Variants in XG observed in about 807,000 individuals in gnomAD.
XG encodes glycoprotein Xg.
A neutral mutation model predicts 25.7 loss-of-function variants in XG; 24 were observed. The ratio of observed to expected loss-of-function variants is 0.93; its 90% CI spans 0.68 to 1.31. XG has a LOEUF of 1.31. Ranked by LOEUF, XG falls within the 40% of genes most tolerant of loss-of-function variation. XG has a pLI of 0.00. For missense variants in XG, 181 were observed against 187.6 expected (o/e 0.96, Z 0.21); for synonymous variants, 77 against 69.2 (o/e 1.11, Z -0.56).
At chrX:2,787,242 G>C (rs1309826170) in intron 4 of XG, among the ~76,000 whole-genome samples, 1 of 110,015 alleles carries the variant, frequency 9.1e-6, no homozygotes. Flanking sequence ...AATGGACTAA[G>C]ACATCTCATA....
At chrX:2,767,903 G>A (rs964887026) in intron 1 of XG, among the ~76,000 whole-genome samples, 1 of 152,138 alleles carries the variant, frequency 6.6e-6, no homozygotes, top group African/African-American at 2.4e-5. Flanking sequence ...TGGCTGTAGT[G>A]CAACCCCTGA....
chrX:2,808,773 G>C (rs770436841), intron 9 of XG, among the ~76,000 whole-genome samples: 10 of 111,325 alleles, frequency 9.0e-5, no homozygotes, highest in African/African-American at 3.3e-4. Context: ...GAGAGTAAAC[G>C]CACTCAACCC....
intron 8 of XG, among the ~76,000 whole-genome samples, chrX:2,807,434 A>G (rs1350758542): frequency 1.8e-5 from 2 of 110,844 alleles, no homozygotes; most frequent in Non-Finnish European, 3.9e-5. Context: ...AGGCATGCAC[A>G]CACACACATG....
At chrX:2,789,279 A>G (rs1195030906) in intron 4 of XG, among the ~76,000 whole-genome samples, 2 of 111,872 alleles carry the variant, frequency 1.8e-5, no homozygotes, top group Non-Finnish European at 3.8e-5. Context: ...CTCAAGCAAG[A>G]TGGAAATACA....
At chrX:2,805,589 ATT>A (rs2086988317) in intron 7 of XG, among the ~76,000 whole-genome samples, 1 of 91,553 alleles carries the variant, frequency 1.1e-5, no homozygotes, top group Non-Finnish European at 2.2e-5. Flanking sequence ...GCAGACATTG[ATT>A]CTCTCACCGT....
chrX:2,776,437 G>C (rs2050992972), intron 3 of XG, among the ~76,000 whole-genome samples: 1 of 152,144 alleles, frequency 6.6e-6, no homozygotes, highest in Non-Finnish European at 1.5e-5. Flanking sequence ...TGCGGATGTA[G>C]CTCGCCACAG....
At chrX:2,790,093 C>T (rs143698977) in intron 5 of XG, among the ~76,000 whole-genome samples, 1,414 of 111,281 alleles carry the variant, frequency 0.013, 25 homozygotes, top group African/African-American at 0.044. Context: ...GTTGTTCAGG[C>T]TATTCTTGAA....
intron 9 of XG, among the ~76,000 whole-genome samples, chrX:2,809,608 G>A (rs1255989726): frequency 6.2e-5 from 7 of 112,315 alleles, no homozygotes; most frequent in Non-Finnish European, 1.1e-4. Flanking sequence ...TTAGTAGCTG[G>A]AAATAACAAC....
rs1334983577 is a variant in XG at position 2,761,471 on chromosome X, T to G, written c.62-9079T>G. On this transcript the variant is annotated intron_variant, in intron 1 of 10. Transcript: ENST00000644266. ...GCAGCCTGCAATGGACTAAGACATC[T>G]CATAAGAAGAGCAGATGAGGACACA... is the stretch of plus-strand genomic sequence containing the variant. 6.6e-5 allele frequency among the ~76,000 whole-genome samples: 10 copies of G among 151,342 alleles called. No homozygotes were observed. In the East Asian group the frequency reaches 1.9e-3, roughly 29 times the overall value.
At chrX:2,799,821 TC>T (rs2147082416) in intron 7 of XG, among the ~76,000 whole-genome samples, 1 of 111,629 alleles carries the variant, frequency 9.0e-6, no homozygotes, top group African/African-American at 3.3e-5. Context: ...GAGTTCAGGA[TC>T]ACAAAATTTA....
intron 7 of XG, among the ~76,000 whole-genome samples, chrX:2,801,971 T>A (rs1267848092): frequency 9.1e-6 from 1 of 109,980 alleles, no homozygotes; most frequent in Non-Finnish European, 1.9e-5. Flanking sequence ...CCTCCCAAAG[T>A]GCTGGGATTA....
chrX:2,764,902 G>C (rs1282807140), intron 1 of XG, among the ~76,000 whole-genome samples: 1 of 150,846 alleles, frequency 6.6e-6, no homozygotes, highest in Non-Finnish European at 1.5e-5. Flanking sequence ...TTACCTGGGC[G>C]TAGTGGCATG....
intron 8 of XG, 120 bp downstream of exon 8, chrX:2,806,865 T>C: frequency 3.5e-6 from 2 of 569,141 alleles, no homozygotes; most frequent in South Asian, 4.0e-5. Context: ...CAACTGGCCG[T>C]TCGAGTCTCT....
intron 7 of XG, among the ~76,000 whole-genome samples, chrX:2,800,485 C>T (rs1403227217): frequency 1.8e-5 from 2 of 112,136 alleles, no homozygotes; most frequent in Non-Finnish European, 1.9e-5. Context: ...TTTTGATGTC[C>T]GTCATCTTCG....
intron 7 of XG, among the ~76,000 whole-genome samples, chrX:2,805,514 T>C (rs774722197): frequency 5.5e-5 from 6 of 108,311 alleles, no homozygotes; most frequent in Admixed American, 2.0e-4. Flanking sequence ...CCTCTCCTTA[T>C]GAGGTGTCTT....
chrX:2,798,884 C>CTT (rs59846672), intron 7 of XG, among the ~76,000 whole-genome samples: 10,828 of 107,177 alleles, frequency 0.1, 1,346 homozygotes, highest in African/African-American at 0.34. Flanking sequence ...TTTTCTTTTT[C>CTT]TTTCTTTTTT....
chrX:2,802,417 A>G (rs1344992627), intron 7 of XG, among the ~76,000 whole-genome samples: 3 of 111,685 alleles, frequency 2.7e-5, no homozygotes, highest in Non-Finnish European at 5.6e-5. Flanking sequence ...TCAGCCTCCC[A>G]AAGAGCTGGG....
chrX:2,810,925 TAAGA>T (rs200151504), intron 9 of XG, among the ~76,000 whole-genome samples: 2,522 of 55,379 alleles, frequency 0.046, 61 homozygotes, highest in African/African-American at 0.15. Flanking sequence ...CAAAAAATAA[TAAGA>T]AATAAATAAA....
At chrX:2,801,954 G>A (rs1379367552) in intron 7 of XG, among the ~76,000 whole-genome samples, 7 of 111,011 alleles carry the variant, frequency 6.3e-5, no homozygotes, top group Admixed American at 1.9e-4. Context: ...TGATCCGCCC[G>A]CCTCGGCCTC....
Sources: gnomAD v4.1 joint callset for allele counts (sites outside exome capture counted in the v4.1 genomes callset) on GRCh38, gnomAD v4.1.1 for gene constraint, MANE v1.5 for transcripts, NCBI Gene and HGNC (gene_info 2026-07-23, HGNC 2026-07-21) for gene names.